MOB1B: variants seen among roughly 807,000 people sequenced by gnomAD.
The protein encoded by MOB1B is MOB kinase activator 1B.
Under a neutral mutation model 24.4 loss-of-function variants are expected in MOB1B, and 19 were observed. That is an observed-to-expected ratio of 0.78 (90% CI 0.54 to 1.14). The LOEUF is 1.14. Among genes scored for constraint, MOB1B ranks in the 50% most tolerant of loss-of-function variants. The pLI is 0.00. For missense variants in MOB1B, 243 were observed against 259.6 expected, an observed-to-expected ratio of 0.94 and a Z score of 0.44; for synonymous variants, 76 against 82.1, an observed-to-expected ratio of 0.93 and a Z score of 0.40.
chr4:70,956,465 C>T (rs1288890228), intron 1 of MOB1B, among the ~76,000 whole-genome samples: 2 of 151,906 alleles, frequency 1.3e-5, no homozygotes, highest in Non-Finnish European at 2.9e-5. Flanking sequence ...GGGTTTTGCT[C>T]TATCACCCAG....
rs1739303732 is a variant in MOB1B at position 70,984,053 on chromosome 4, A to C, written c.*1996A>C. The stretch of plus-strand genomic sequence containing the variant: ...TGACTTCATATCAATCTAGTAAAAA[A>C]GGAGTTGCAATAGCCAAGTATAGAG... On this transcript the variant is annotated 3_prime_UTR_variant, in exon 6 of 6. Transcript: ENST00000309395. The C allele has an allele frequency of 6.6e-6, 1 of 152,592 alleles. No homozygotes were observed. The highest frequency in any genetic ancestry group is 6.5e-5 in the Admixed American group (1 of 15,280). The allele number at this position is 152,592 out of a possible 1,614,324, so 9.5% of individuals were successfully genotyped here.
chr4:70,967,413 C>A (rs1259064146), intron 2 of MOB1B, among the ~76,000 whole-genome samples: 1 of 152,110 alleles, frequency 6.6e-6, no homozygotes, highest in Non-Finnish European at 1.5e-5. Context: ...GGATTACAGG[C>A]GTGAGCCACC....
intron 1 of MOB1B, among the ~76,000 whole-genome samples, chr4:70,915,059 C>A (rs1317335807): frequency 6.6e-6 from 1 of 152,226 alleles, no homozygotes; most frequent in African/African-American, 2.4e-5. Flanking sequence ...TTATGTGCGA[C>A]AGTGATACTT....
intron 1 of MOB1B, among the ~76,000 whole-genome samples, chr4:70,907,182 TC>T (rs939498025): frequency 1.3e-5 from 2 of 152,186 alleles, no homozygotes; most frequent in African/African-American, 4.8e-5. Flanking sequence ...CCTACTTACT[TC>T]TTTTTGCTAA....
rs1270933779 is a variant in MOB1B, at chr4:70,982,309, TGAG to T, written c.*256_*258del. On this transcript the variant is annotated 3_prime_UTR_variant, in exon 6 of 6. Coordinates refer to ENST00000309395, the MANE Select transcript of MOB1B (RefSeq NM_173468.4). ...GTTTTTAAACTTGGTTTTGGTTACT[TGAG>T]GAGTTTTTTAATAATATTGTGTGCT... 3.0e-5 allele frequency: 9 copies of T among 298,858 alleles called. No homozygotes were observed. Among genetic ancestry groups the T allele is most frequent in the African/African-American group, 1.1e-4 (5 of 46,022 alleles). The allele number at this position is 298,858 out of a possible 1,614,324, so 18.5% of individuals were successfully genotyped here. A position where few individuals can be genotyped will look rare whatever the true frequency, so the allele number is the denominator to read the frequency against.
chr4:70,947,573 G>A (rs1737640243), intron 1 of MOB1B, among the ~76,000 whole-genome samples: 1 of 152,160 alleles, frequency 6.6e-6, no homozygotes, highest in Non-Finnish European at 1.5e-5. Flanking sequence ...TTTGCTGCTA[G>A]TCGGTGGCTT....
intron 1 of MOB1B, among the ~76,000 whole-genome samples, chr4:70,918,922 C>G (rs1156920056): frequency 1.3e-5 from 2 of 151,792 alleles, no homozygotes; most frequent in Non-Finnish European, 2.9e-5. Flanking sequence ...AAATGTCCAA[C>G]GATAGACTGG....
At chr4:70,967,478 A>T (rs1166079221) in intron 2 of MOB1B, among the ~76,000 whole-genome samples, 2 of 152,172 alleles carry the variant, frequency 1.3e-5, no homozygotes, top group African/African-American at 2.4e-5. Context: ...GAAAAAGAAT[A>T]AAAAATATAC....
At chr4:70,962,964 A>G (rs1255433798) in intron 2 of MOB1B, among the ~76,000 whole-genome samples, 2 of 152,190 alleles carry the variant, frequency 1.3e-5, no homozygotes, top group Non-Finnish European at 2.9e-5. Flanking sequence ...AGATCGTGGC[A>G]CTGCATTCCA....
chr4:70,909,608 T>G (rs1040605267), intron 1 of MOB1B, among the ~76,000 whole-genome samples: 4 of 152,214 alleles, frequency 2.6e-5, no homozygotes, highest in Non-Finnish European at 5.9e-5. Flanking sequence ...AGGAATCCTA[T>G]TTTATACATA....
chr4:70,982,137 A>G lies in MOB1B; in HGVS notation c.*80A>G. On this transcript the variant is annotated 3_prime_UTR_variant, in exon 6 of 6. Coordinates refer to ENST00000309395, the MANE Select transcript of MOB1B (RefSeq NM_173468.4). ...GGGGATTTTGTTATATTTTGTTTTT[A>G]TCTGGATTGTTTTTGTCCTAGGTTT... 9.3e-7 allele frequency: 1 copy of G among 1,080,350 alleles called. No homozygotes were observed. Among genetic ancestry groups the G allele is most frequent in the Non-Finnish European group, 1.4e-6 (1 of 724,122 alleles). The allele number at this position is 1,080,350 out of a possible 1,614,324, so 66.9% of individuals were successfully genotyped here. A position where few individuals can be genotyped will look rare whatever the true frequency, so the allele number is the denominator to read the frequency against.
intron 1 of MOB1B, among the ~76,000 whole-genome samples, chr4:70,925,634 C>T (rs1287682205): frequency 6.6e-6 from 1 of 152,090 alleles, no homozygotes; most frequent in African/African-American, 2.4e-5. Context: ...GTTTGAAATG[C>T]AGGATTTCGG....
intron 2 of MOB1B, among the ~76,000 whole-genome samples, chr4:70,965,568 C>G (rs774633572): frequency 6.6e-6 from 1 of 150,870 alleles, no homozygotes; most frequent in Non-Finnish European, 1.5e-5. Flanking sequence ...GAGGCTGAGG[C>G]GGGTGGATCA....
chr4:70,914,077 C>A (rs1204495054), intron 1 of MOB1B, among the ~76,000 whole-genome samples: 1 of 152,112 alleles, frequency 6.6e-6, no homozygotes, highest in Non-Finnish European at 1.5e-5. Flanking sequence ...GGTATTAGTG[C>A]CCTGATAAAG....
At chr4:70,905,106 G>A (rs1044867736) in intron 1 of MOB1B, among the ~76,000 whole-genome samples, 4 of 152,134 alleles carry the variant, frequency 2.6e-5, no homozygotes, top group African/African-American at 9.7e-5. Flanking sequence ...AACATTTTCA[G>A]TTTTGGTCTT....
Position 70,983,143 on chromosome 4 carries a change from A to C in MOB1B, c.*1086A>C, listed in dbSNP as rs1739270980. 1 of 152,480 alleles carries C rather than the reference A, an allele frequency of 6.6e-6. No individual in the cohort carries two copies. The highest frequency in any genetic ancestry group is 2.4e-5 in the African/African-American group (1 of 41,418). 9.4% of individuals were successfully genotyped at this position (152,480 alleles called of 1,614,324 possible). ...ATGAGAAGTTAAAAATAAATTATTA[A>C]TTTTAGGTACAGACATTAAACATGG... On this transcript the variant is annotated 3_prime_UTR_variant, in exon 6 of 6. Coordinates refer to ENST00000309395, the MANE Select transcript of MOB1B (RefSeq NM_173468.4).
intron 1 of MOB1B, among the ~76,000 whole-genome samples, chr4:70,913,348 A>G (rs1408732117): frequency 1.3e-5 from 2 of 151,884 alleles, no homozygotes; most frequent in Non-Finnish European, 2.9e-5. Flanking sequence ...CCAGGCTGGA[A>G]TGCTGTGGTG....
intron 1 of MOB1B, among the ~76,000 whole-genome samples, chr4:70,953,255 G>A (rs999411727): frequency 1.3e-5 from 2 of 152,040 alleles, no homozygotes; most frequent in Non-Finnish European, 2.9e-5. Context: ...TTGGTCTTTT[G>A]ACCTGCGAAT....
In MOB1B at chr4:70,976,772, ATATCTC is replaced by A. The variant is rs1292857942; in HGVS notation, c.409+1488_409+1493del. On this transcript the variant is annotated intron_variant, in intron 4 of 5. Coordinates refer to ENST00000309395, the MANE Select transcript of MOB1B (RefSeq NM_173468.4). Reference sequence around the variant, plus strand: ...GAATTACATATATATATATATATATATATCTCTCTCTCTCAATCATAAGGGTTGGAT... The same window carrying A: ...GAATTACATATATATATATATATATATCTCTCTCAATCATAAGGGTTGGAT... 5 of 215,114 alleles carry A rather than the reference ATATCTC, an allele frequency of 2.3e-5. 1 individual carries two copies. The highest frequency in any genetic ancestry group is 5.3e-5 in the African/African-American group (2 of 37,530). 13.3% of individuals were successfully genotyped at this position (215,114 alleles called of 1,614,324 possible). A position where few individuals can be genotyped will look rare whatever the true frequency, so the allele number is the denominator to read the frequency against.
Sources: allele counts gnomAD v4.1 joint callset (sites outside exome capture counted in the v4.1 genomes callset), GRCh38; gene constraint gnomAD v4.1.1; transcripts MANE v1.5; gene names NCBI Gene and HGNC (gene_info 2026-07-23, HGNC 2026-07-21).